GABBR2: variants seen among roughly 807,000 people sequenced by gnomAD.
GABBR2 encodes the protein G-protein coupled receptor 51.
A neutral mutation model predicts 105.6 loss-of-function variants in GABBR2; 23 were observed. The ratio of observed to expected loss-of-function variants is 0.22; its 90% CI spans 0.16 to 0.31. The LOEUF is 0.31. GABBR2 is among the 10% of genes least tolerant of loss of function. The pLI is 1.00. For missense variants in GABBR2, 734 were observed against 1,245.5 expected (o/e 0.59, Z 6.18); for synonymous variants, 478 against 499.7 (o/e 0.96, Z 0.58).
intron 4 of GABBR2, among the ~76,000 whole-genome samples, chr9:98,488,132 C>A (rs779098367): frequency 1.3e-5 from 2 of 152,170 alleles, no homozygotes; most frequent in Non-Finnish European, 2.9e-5. Context: ...AGGAACTTGG[C>A]CGCACTGACA....
intron 13 of GABBR2, among the ~76,000 whole-genome samples, chr9:98,355,349 A>G (rs1420559145): frequency 6.6e-6 from 1 of 152,156 alleles, no homozygotes; most frequent in Non-Finnish European, 1.5e-5. Flanking sequence ...AGATTTGCTC[A>G]ATGTAAGGTT....
intron 3 of GABBR2, among the ~76,000 whole-genome samples, chr9:98,516,477 T>C (rs971727618): frequency 2.0e-5 from 3 of 152,140 alleles, no homozygotes; most frequent in Non-Finnish European, 4.4e-5. Context: ...CACACAACTT[T>C]CTAGGCACGG....
chr9:98,432,546 C>T (rs1290236950), intron 7 of GABBR2, among the ~76,000 whole-genome samples: 1 of 152,138 alleles, frequency 6.6e-6, no homozygotes, highest in African/African-American at 2.4e-5. Flanking sequence ...GCATTTCCCA[C>T]CTGCATGAAT....
chr9:98,302,356 C>T (rs1830483473), intron 16 of GABBR2, among the ~76,000 whole-genome samples: 2 of 152,180 alleles, frequency 1.3e-5, no homozygotes, highest in Admixed American at 1.3e-4. Flanking sequence ...AGCTCTCCCG[C>T]TATGAATGAA....
At chr9:98,416,621 T>G (rs1156247585) in intron 7 of GABBR2, among the ~76,000 whole-genome samples, 2 of 152,238 alleles carry the variant, frequency 1.3e-5, no homozygotes, top group African/African-American at 4.8e-5. Flanking sequence ...CTATGTCCCT[T>G]TGAGGGGCCA....
At chr9:98,321,579 G>A (rs1230830432) in intron 13 of GABBR2, among the ~76,000 whole-genome samples, 1 of 152,210 alleles carries the variant, frequency 6.6e-6, no homozygotes, top group East Asian at 1.9e-4. Context: ...CCTACCAGCA[G>A]CAGGCAGAGC....
chr9:98,564,229 C>T (rs1177784979), intron 2 of GABBR2, among the ~76,000 whole-genome samples: 4 of 152,172 alleles, frequency 2.6e-5, no homozygotes, highest in African/African-American at 4.8e-5. Flanking sequence ...GGCAGAGACC[C>T]GGAGTCTGGA....
At chr9:98,404,976 G>A (rs1028367163) in intron 8 of GABBR2, among the ~76,000 whole-genome samples, 4 of 152,060 alleles carry the variant, frequency 2.6e-5, no homozygotes, top group Non-Finnish European at 4.4e-5. Context: ...GAAATTAAAC[G>A]ATATTAAGAA....
At chr9:98,358,659 A>G (rs1831529764) in intron 13 of GABBR2, among the ~76,000 whole-genome samples, 1 of 152,140 alleles carries the variant, frequency 6.6e-6, no homozygotes, top group Non-Finnish European at 1.5e-5. Context: ...GAAAAAGGTG[A>G]GAGTGAGGCT....
chr9:98,552,631 A>G (rs1828510055), intron 2 of GABBR2, among the ~76,000 whole-genome samples: 1 of 152,194 alleles, frequency 6.6e-6, no homozygotes, highest in African/African-American at 2.4e-5. Context: ...AGCATTTCCC[A>G]AGTTAACAAG....
At chr9:98,640,584 G>A (rs1829946438) in intron 1 of GABBR2, among the ~76,000 whole-genome samples, 2 of 152,166 alleles carry the variant, frequency 1.3e-5, no homozygotes, top group Non-Finnish European at 2.9e-5. Flanking sequence ...TGGAGTGTAC[G>A]AGATGCCCTC....
intron 2 of GABBR2, among the ~76,000 whole-genome samples, chr9:98,559,603 C>A (rs1054488353): frequency 1.3e-5 from 2 of 152,054 alleles, no homozygotes; most frequent in Non-Finnish European, 2.9e-5. Flanking sequence ...TCTTTTAAAT[C>A]AAGTTCATTC....
chr9:98,402,303 C>T (rs879454661), intron 8 of GABBR2, among the ~76,000 whole-genome samples: 8 of 152,088 alleles, frequency 5.3e-5, no homozygotes, highest in Non-Finnish European at 1.2e-4. Flanking sequence ...GTTTAGACTT[C>T]GGCAGTAACA....
At chr9:98,323,355 T>G (rs910652061) in intron 13 of GABBR2, among the ~76,000 whole-genome samples, 2 of 152,248 alleles carry the variant, frequency 1.3e-5, no homozygotes, top group Non-Finnish European at 2.9e-5. Flanking sequence ...TGTGCTGTGA[T>G]GTGAAAGAGG....
intron 1 of GABBR2, among the ~76,000 whole-genome samples, chr9:98,694,060 G>C (rs1485591096): frequency 6.6e-6 from 1 of 152,204 alleles, no homozygotes; most frequent in Non-Finnish European, 1.5e-5. Flanking sequence ...CCAAATACTT[G>C]TATATCTCCT....
chr9:98,572,489 C>T (rs766603879), intron 2 of GABBR2, among the ~76,000 whole-genome samples: 4 of 152,192 alleles, frequency 2.6e-5, no homozygotes, highest in Non-Finnish European at 2.9e-5. Context: ...ATTTGTGAAG[C>T]TCTGTTTTGA....
At chr9:98,363,206 T>C (rs958449135) in intron 12 of GABBR2, among the ~76,000 whole-genome samples, 17 of 152,150 alleles carry the variant, frequency 1.1e-4, no homozygotes, top group Admixed American at 6.5e-4. Context: ...TCTCGATCAA[T>C]TGTCACCTCC....
At chr9:98,633,129 T>C (rs532171139) in intron 1 of GABBR2, among the ~76,000 whole-genome samples, 1 of 152,252 alleles carries the variant, frequency 6.6e-6, no homozygotes, top group African/African-American at 2.4e-5. Context: ...GCTTGGAAAA[T>C]TCCTGAGAAT....
In GABBR2 at chr9:98,362,690, C is replaced by T. The variant is rs1321058515; in HGVS notation, c.1893+25G>A. 6 of 1,481,266 alleles carry T rather than the reference C, an allele frequency of 4.1e-6. No individual in the cohort carries two copies. In the East Asian group the frequency reaches 1.5e-4, roughly 37 times the overall value. 91.8% of individuals were successfully genotyped at this position (1,481,266 alleles called of 1,614,324 possible). Reference sequence around the variant, plus strand: ...GCCAGGGGCTGCATCTGCAGGCTTCCCTCCTGCCGGCATGGAGGGCTTACC... The same window carrying T: ...GCCAGGGGCTGCATCTGCAGGCTTCTCTCCTGCCGGCATGGAGGGCTTACC... On this transcript the variant is annotated intron_variant, in intron 13 of 18. Coordinates refer to ENST00000259455, the MANE Select transcript of GABBR2 (RefSeq NM_005458.8).
Sources: allele counts gnomAD v4.1 joint callset (sites outside exome capture counted in the v4.1 genomes callset), GRCh38; gene constraint gnomAD v4.1.1; transcripts MANE v1.5; gene names NCBI Gene and HGNC (gene_info 2026-07-23, HGNC 2026-07-21).